The following DPF3 variants were observed in gnomAD, a reference collection of about 807,000 sequenced individuals.
DPF3 encodes the protein zinc finger protein DPF3.
Under a neutral mutation model 56.8 loss-of-function variants are expected in DPF3, and 18 were observed. The observed-to-expected ratio is 0.32, with a 90% confidence interval of 0.22 to 0.47. DPF3 has a LOEUF of 0.47. DPF3 is among the 20% of genes least tolerant of loss of function. The pLI is 1.00. For synonymous variants in DPF3, 188 were observed against 180.2 expected, an observed-to-expected ratio of 1.04 and a Z score of -0.35; for missense variants, 403 against 488.8, an observed-to-expected ratio of 0.82 and a Z score of 1.65.
intron 1 of DPF3, among the ~76,000 whole-genome samples, chr14:72,841,917 C>CTTT (rs1884557928): frequency 6.6e-6 from 1 of 151,954 alleles, no homozygotes; most frequent in Non-Finnish European, 1.5e-5. Flanking sequence ...ACTCCTCTCT[C>CTTT]TACAAAAGAA....
At chr14:72,843,525 T>G (rs1884633123) in intron 1 of DPF3, among the ~76,000 whole-genome samples, 1 of 152,182 alleles carries the variant, frequency 6.6e-6, no homozygotes, top group African/African-American at 2.4e-5. Flanking sequence ...ATAATAATAT[T>G]TATCATAGCT....
intron 1 of DPF3, among the ~76,000 whole-genome samples, chr14:72,795,825 AAAG>A (rs754785296): frequency 4.6e-5 from 7 of 152,344 alleles, no homozygotes; most frequent in Admixed American, 2.0e-4. Flanking sequence ...CTTTCCGCAG[AAAG>A]AAGAAGAAAA....
At chr14:72,849,805 T>C (rs149186598) in intron 1 of DPF3, among the ~76,000 whole-genome samples, 12 of 152,234 alleles carry the variant, frequency 7.9e-5, no homozygotes, top group Non-Finnish European at 1.2e-4. Flanking sequence ...TTGTGCACTA[T>C]GCTTTTTGAA....
intron 3 of DPF3, among the ~76,000 whole-genome samples, chr14:72,745,106 C>T (rs1890273284): frequency 2.8e-5 from 4 of 145,314 alleles, no homozygotes; most frequent in Non-Finnish European, 6.1e-5. Flanking sequence ...TGTGGAGGGG[C>T]ACCATGGGTG....
At chr14:72,641,541 G>A (rs1166453102) in intron 8 of DPF3, among the ~76,000 whole-genome samples, 2 of 152,186 alleles carry the variant, frequency 1.3e-5, no homozygotes, top group African/African-American at 2.4e-5. Context: ...GCTGGGGCAG[G>A]TCCTGATGGA....
chr14:72,836,291 C>T, intron 1 of DPF3: 4 of 985,704 alleles, frequency 4.1e-6, no homozygotes, highest in Non-Finnish European at 4.8e-6. Context: ...TCCCTCTCTC[C>T]TGCCAAACTC....
intron 1 of DPF3, among the ~76,000 whole-genome samples, chr14:72,795,042 T>G (rs1374515911): frequency 6.6e-6 from 1 of 151,908 alleles, no homozygotes; most frequent in African/African-American, 2.4e-5. Context: ...CATCTCAAAG[T>G]CCTTAACTTA....
chr14:72,703,464 C>T (rs1466208814), intron 6 of DPF3, among the ~76,000 whole-genome samples: 2 of 152,134 alleles, frequency 1.3e-5, no homozygotes, highest in African/African-American at 2.4e-5. Flanking sequence ...ACCAGACTCT[C>T]GTTTCAAAAT....
chr14:72,754,144 T>A (rs571889010), intron 2 of DPF3, among the ~76,000 whole-genome samples: 1 of 152,108 alleles, frequency 6.6e-6, no homozygotes, highest in Admixed American at 6.5e-5. Flanking sequence ...ACAACAATTG[T>A]GTGTGGCTCT....
At chr14:72,661,603 C>A (rs759346846) in intron 8 of DPF3, 7 of 985,518 alleles carry the variant, frequency 7.1e-6, no homozygotes, top group Non-Finnish European at 8.4e-6. Context: ...TACATCCCAT[C>A]GGCCAAAACG....
chr14:72,640,046 TAAAAAAAAAAAAAAAAAAAAAA>T (rs370070354), intron 8 of DPF3, among the ~76,000 whole-genome samples: 1 of 45,268 alleles, frequency 2.2e-5, no homozygotes, highest in East Asian at 4.9e-4. Context: ...GTTTTCTAAG[TAAAAAAAAAAAAAAAAAAAAAA>T]AAAAAAAAAA....
chr14:72,685,652 G>C (rs971440745), intron 7 of DPF3, among the ~76,000 whole-genome samples: 1 of 152,116 alleles, frequency 6.6e-6, no homozygotes, highest in Non-Finnish European at 1.5e-5. Context: ...CTGTCCTCTG[G>C]GGGATACAGC....
chr14:72,874,512 C>A (rs1886033327), intron 1 of DPF3, among the ~76,000 whole-genome samples: 1 of 151,968 alleles, frequency 6.6e-6, no homozygotes, highest in East Asian at 1.9e-4. Flanking sequence ...GAAATTTATT[C>A]CACCAGATAA....
intron 1 of DPF3, among the ~76,000 whole-genome samples, chr14:72,845,357 C>A (rs989035488): frequency 3.3e-5 from 5 of 151,948 alleles, no homozygotes; most frequent in Non-Finnish European, 7.4e-5. Context: ...CTCTGTGACA[C>A]CTAGAGGTCA....
intron 6 of DPF3, among the ~76,000 whole-genome samples, chr14:72,694,115 A>C (rs574201173): frequency 2.0e-5 from 3 of 152,228 alleles, no homozygotes; most frequent in East Asian, 1.9e-4. Flanking sequence ...TTAGATGCTC[A>C]GTTCCTGGGA....
chr14:72,730,696 G>A (rs1889605099), intron 4 of DPF3, among the ~76,000 whole-genome samples: 1 of 151,008 alleles, frequency 6.6e-6, no homozygotes, highest in Non-Finnish European at 1.5e-5. Context: ...AATAGGTATA[G>A]CATAAAATAT....
intron 6 of DPF3, among the ~76,000 whole-genome samples, chr14:72,710,744 T>C (rs1181583732): frequency 6.6e-6 from 1 of 152,222 alleles, no homozygotes; most frequent in Non-Finnish European, 1.5e-5. Context: ...AGTTGCTTTT[T>C]TTGTGCATAA....
At chr14:72,756,035 G>C (rs1890775398) in intron 2 of DPF3, among the ~76,000 whole-genome samples, 1 of 152,140 alleles carries the variant, frequency 6.6e-6, no homozygotes, top group Non-Finnish European at 1.5e-5. Context: ...AGATGGAGGT[G>C]GGGAAGGAGG....
intron 1 of DPF3, among the ~76,000 whole-genome samples, chr14:72,860,453 G>A (rs1885351915): frequency 6.6e-6 from 1 of 152,150 alleles, no homozygotes; most frequent in African/African-American, 2.4e-5. Context: ...CCAAAGTGCT[G>A]GGATTATAGT....
Sources: gnomAD v4.1 joint callset for allele counts (sites outside exome capture counted in the v4.1 genomes callset) on GRCh38, gnomAD v4.1.1 for gene constraint, MANE v1.5 for transcripts, NCBI Gene and HGNC (gene_info 2026-07-23, HGNC 2026-07-21) for gene names.